The following RHOA variants were observed in gnomAD, a reference collection of about 807,000 sequenced individuals.
The protein encoded by RHOA is transforming protein RhoA.
A neutral mutation model predicts 17.5 loss-of-function variants in RHOA; 3 were observed. That is an observed-to-expected ratio of 0.17 (90% confidence interval 0.08 to 0.44). The LOEUF is 0.44. Ranked by LOEUF, RHOA falls within the 20% of genes least tolerant of loss-of-function variation. The probability of loss-of-function intolerance (pLI) is 0.99; values close to 1 mark genes in which losing one functional copy is unlikely to be tolerated. For synonymous variants in RHOA, 98 were observed against 88.4 expected, an observed-to-expected ratio of 1.11 and a Z score of -0.61; for missense variants, 56 against 242.3, an observed-to-expected ratio of 0.23 and a Z score of 5.10.
At chr3:49,377,145 T>C (rs554571799) in intron 1 of RHOA, among the ~76,000 whole-genome samples, 7 of 151,996 alleles carry the variant, frequency 4.6e-5, no homozygotes, top group Admixed American at 1.3e-4. Context: ...GAAAAATCAA[T>C]TGAGGCCGAG....
At chr3:49,381,290 G>A (rs890412305) in intron 1 of RHOA, among the ~76,000 whole-genome samples, 83 of 151,650 alleles carry the variant, frequency 5.5e-4, no homozygotes, top group African/African-American at 1.9e-3. Context: ...CCATAATCCC[G>A]GCTACTCGAG....
At chr3:49,388,178 T>C (rs755878383) in intron 1 of RHOA, among the ~76,000 whole-genome samples, 16 of 152,028 alleles carry the variant, frequency 1.1e-4, no homozygotes, top group Non-Finnish European at 1.9e-4. Context: ...GACTAAATTT[T>C]TTTCTATTTG....
chr3:49,372,488 C>T (rs1286058053), intron 2 of RHOA, among the ~76,000 whole-genome samples: 1 of 152,134 alleles, frequency 6.6e-6, no homozygotes, highest in Non-Finnish European at 1.5e-5. Context: ...CGCCTGTAAT[C>T]CCAGCACTTT....
rs147742235 is a variant in RHOA, at chr3:49,391,565, C to G, written c.-2-15974G>C. ...ACATTGTGACTTTCTTTTTTTAAGA[C>G]AGAGTTTCGCTCTTGTTGCCCAGGC... On this transcript the variant is annotated intron_variant, in intron 1 of 4. Coordinates refer to ENST00000418115, the MANE Select transcript of RHOA (RefSeq NM_001664.4). Among the ~76,000 whole-genome samples, 96 of 152,142 alleles carry G rather than the reference C, an allele frequency of 6.3e-4. No individual in the cohort carries two copies. In the East Asian group the frequency reaches 0.019, roughly 29 times the overall value.
At chr3:49,380,168 A>C (rs1283815415) in intron 1 of RHOA, among the ~76,000 whole-genome samples, 1 of 152,160 alleles carries the variant, frequency 6.6e-6, no homozygotes, top group Non-Finnish European at 1.5e-5. Flanking sequence ...CTGCTGCTTA[A>C]ATCTAAAGTA....
intron 1 of RHOA, among the ~76,000 whole-genome samples, chr3:49,408,275 T>C (rs1482141963): frequency 1.3e-5 from 2 of 151,650 alleles, no homozygotes; most frequent in Admixed American, 6.6e-5. Context: ...TACACGTATA[T>C]ACGTATACAC....
intron 1 of RHOA, among the ~76,000 whole-genome samples, chr3:49,393,730 G>GAGAC (rs1553635016): frequency 8.5e-6 from 1 of 118,134 alleles, no homozygotes; most frequent in Non-Finnish European, 1.7e-5. Context: ...GTGTGTGTGT[G>GAGAC]ACAGAATCTC....
intron 3 of RHOA, among the ~76,000 whole-genome samples, chr3:49,365,720 A>G (rs1475051184): frequency 6.6e-6 from 1 of 150,734 alleles, no homozygotes; most frequent in Non-Finnish European, 1.5e-5. Flanking sequence ...CCTCCTGAGT[A>G]GCTGGGATTA....
chr3:49,397,983 G>A (rs764222930), intron 1 of RHOA, among the ~76,000 whole-genome samples: 2 of 152,174 alleles, frequency 1.3e-5, no homozygotes, highest in Non-Finnish European at 2.9e-5. Context: ...CACCTTTGAG[G>A]TCAAGGGTCC....
In RHOA at chr3:49,386,349, G is replaced by A. The variant is rs144116501; in HGVS notation, c.-2-10758C>T. Among the ~76,000 whole-genome samples the A allele has an allele frequency of 6.9e-3, 1,056 of 152,258 alleles. 8 individuals are homozygous for A. The highest frequency in any genetic ancestry group is 0.024 in the African/African-American group (1,006 of 41,564). ...TGTCTCCCACCACTACTTTGTAGAA[G>A]AGGAAAAATATAAGAAACAGCTAAC... On this transcript the variant is annotated intron_variant, in intron 1 of 4. Transcript: ENST00000418115.
intron 1 of RHOA, among the ~76,000 whole-genome samples, chr3:49,391,565 CAG>C (rs1244980438): frequency 2.0e-5 from 3 of 152,024 alleles, no homozygotes; most frequent in Non-Finnish European, 2.9e-5. Flanking sequence ...TTTTTTAAGA[CAG>C]AGTTTCGCTC....
intron 1 of RHOA, among the ~76,000 whole-genome samples, chr3:49,404,453 C>CACACACACACACACACACACACAG (rs2048781039): frequency 6.8e-6 from 1 of 146,976 alleles, no homozygotes; most frequent in Non-Finnish European, 1.5e-5. Flanking sequence ...CACACACACA[C>CACACACACACACACACACACACAG]ACACAAAATT....
At chr3:49,369,751 A>T (rs938645906) in intron 2 of RHOA, among the ~76,000 whole-genome samples, 12 of 149,562 alleles carry the variant, frequency 8.0e-5, no homozygotes, top group Non-Finnish European at 1.2e-4. Context: ...TCTAAAAAAA[A>T]AAAAAATAAA....
At chr3:49,379,484 A>G (rs2048284078) in intron 1 of RHOA, among the ~76,000 whole-genome samples, 1 of 152,152 alleles carries the variant, frequency 6.6e-6, no homozygotes, top group African/African-American at 2.4e-5. Context: ...TGAATATACT[A>G]TAAACTATTG....
intron 1 of RHOA, among the ~76,000 whole-genome samples, chr3:49,387,757 A>AAC (rs1223335542): frequency 2.0e-5 from 3 of 151,490 alleles, no homozygotes; most frequent in African/African-American, 7.3e-5. Flanking sequence ...AAAAAACAAA[A>AAC]AAAAAAACCC....
intron 1 of RHOA, among the ~76,000 whole-genome samples, chr3:49,389,936 CAAAAA>C (rs577683876): frequency 3.9e-5 from 3 of 76,542 alleles, no homozygotes; most frequent in Non-Finnish European, 5.1e-5. Context: ...GACTCCACCT[CAAAAA>C]AAAAAAAAAA....
intron 3 of RHOA, 127 bp downstream of exon 3, chr3:49,368,301 A>T (rs892506749): frequency 2.0e-5 from 24 of 1,194,510 alleles, no homozygotes; most frequent in Non-Finnish European, 2.9e-5. Flanking sequence ...AAACTCCAGG[A>T]CTCCGGCCAC....
intron 1 of RHOA, among the ~76,000 whole-genome samples, chr3:49,384,807 T>C (rs2048370399): frequency 6.6e-6 from 1 of 152,062 alleles, no homozygotes; most frequent in Admixed American, 6.6e-5. Flanking sequence ...ACGCCTGTAA[T>C]CCAAGTACTT....
At chr3:49,408,195 C>G (rs1264954249) in intron 1 of RHOA, among the ~76,000 whole-genome samples, 1 of 149,002 alleles carries the variant, frequency 6.7e-6, no homozygotes, top group Non-Finnish European at 1.5e-5. Flanking sequence ...TATATACACA[C>G]ACACATACAC....
Sources: gnomAD v4.1 joint callset for allele counts (sites outside exome capture counted in the v4.1 genomes callset) on GRCh38, gnomAD v4.1.1 for gene constraint, MANE v1.5 for transcripts, NCBI Gene and HGNC (gene_info 2026-07-23, HGNC 2026-07-21) for gene names.